LRRC47: variants seen among roughly 807,000 people sequenced by gnomAD.
The protein encoded by LRRC47 is leucine-rich repeat-containing protein 47.
In LRRC47, 31 loss-of-function variants were observed where a neutral mutation model predicts 40.9. The observed-to-expected ratio is 0.76, with a 90% confidence interval of 0.57 to 1.02. The LOEUF is 1.02. LRRC47 is among the 50% of genes least tolerant of loss of function. LRRC47 has a pLI of 0.00. For missense variants in LRRC47, 726 were observed against 796.1 expected, an observed-to-expected ratio of 0.91 and a Z score of 1.06; for synonymous variants, 427 against 371.9, an observed-to-expected ratio of 1.15 and a Z score of -1.70.
chr1:3,782,657 C>G lies in LRRC47; in HGVS notation c.1413+4G>C. 1 of 1,542,630 alleles carries G rather than the reference C, an allele frequency of 6.5e-7. No homozygotes were observed. The highest frequency in any genetic ancestry group is 9.0e-7 in the Non-Finnish European group (1 of 1,114,528). On this transcript the variant is annotated splice_donor_region_variant and intron_variant, in intron 5 of 6. Coordinates refer to ENST00000378251, the MANE Select transcript of LRRC47 (RefSeq NM_020710.3). ...ACACCATGTTCACACACATGCCACC[C>G]TACCTTTGTCTTCTCACTGTTGGTT...
chr1:3,783,958 C>T (rs532513715), intron 4 of LRRC47, 38 bp downstream of exon 4: 2 of 1,548,138 alleles, frequency 1.3e-6, no homozygotes, highest in Non-Finnish European at 1.7e-6. Context: ...GCGGCACTCC[C>T]CCGGGCCCGG....
In LRRC47 at chr1:3,787,025, C is replaced by G. The variant is rs138729139; in HGVS notation, c.901G>C (p.Val301Leu). ...REGGDGEEQD[V>L]GDAGRLLLRV... is the part of the protein sequence containing the mutation. ...AGCAGCAGCCGGCCGGCATCTCCCA[C>G]GTCCTGCTCCTCCCCATCACCACCT... Residue 301 changes from valine (V) to leucine (L), a missense_variant, in exon 2 of 7, where the codon GTG (valine) becomes CTG (leucine). Val to Leu is a conservative substitution (Grantham distance 32, BLOSUM62 1). Transcript: ENST00000378251. 1.9e-6 allele frequency: 3 copies of G among 1,611,782 alleles called. No individual in the cohort carries two copies. Among genetic ancestry groups the G allele is most frequent in the Non-Finnish European group, 2.5e-6 (3 of 1,179,056 alleles).
chr1:3,790,114 G>A (rs1643613393), intron 1 of LRRC47, among the ~76,000 whole-genome samples: 2 of 152,244 alleles, frequency 1.3e-5, no homozygotes, highest in South Asian at 2.1e-4. Context: ...CGGCAGCAAC[G>A]TGGGTCCTGA....
Position 3,785,076 on chromosome 1 carries a change from G to C in LRRC47, c.1194+11C>G. On this transcript the variant is annotated intron_variant, in intron 3 of 6. Coordinates refer to ENST00000378251, the MANE Select transcript of LRRC47 (RefSeq NM_020710.3). Reference sequence around the variant, plus strand: ...ACTCTTCAGCAGACCCTGCAAAGGAGGCTGCAGCACCTTGAGGTCCTGTGG... The same window carrying C: ...ACTCTTCAGCAGACCCTGCAAAGGACGCTGCAGCACCTTGAGGTCCTGTGG... 6.3e-7 allele frequency: 1 copy of C among 1,580,442 alleles called. No individual in the cohort carries two copies. The highest frequency in any genetic ancestry group is 8.6e-7 in the Non-Finnish European group (1 of 1,160,954).
Position 3,796,229 on chromosome 1 carries a change from C to T in LRRC47, c.248G>A (p.Arg83Gln). The change falls in exon 1 of 7, where the codon CGG (arginine) becomes CAG (glutamine). Residue 83 changes from arginine to glutamine, a missense_variant. Coordinates refer to ENST00000378251, the MANE Select transcript of LRRC47 (RefSeq NM_020710.3). ...GLPQLHSLVL[R>Q]RNALGPGLSP... ...CAGGCCGGGCCCCAGCGCGTTGCGC[C>T]GCAGCACGAGGCTGTGCAGCTGCGG... 1 of 1,428,976 alleles carries T rather than the reference C, an allele frequency of 7.0e-7. No individual in the cohort carries two copies. The highest frequency in any genetic ancestry group is 1.4e-5 in the South Asian group (1 of 70,934). 88.5% of individuals were successfully genotyped at this position (1,428,976 alleles called of 1,614,324 possible). A position where few individuals can be genotyped will look rare whatever the true frequency, so the allele number is the denominator to read the frequency against.
intron 1 of LRRC47, 71 bp downstream of exon 1, chr1:3,795,791 C>A: frequency 7.0e-7 from 1 of 1,436,920 alleles, no homozygotes; most frequent in Non-Finnish European, 9.1e-7. Flanking sequence ...ACTGCTCGGC[C>A]CCGAGAGGGG....
At chr1:3,794,327 T>C (rs532955317) in intron 1 of LRRC47, among the ~76,000 whole-genome samples, 13 of 152,272 alleles carry the variant, frequency 8.5e-5, no homozygotes, top group South Asian at 6.2e-4. Context: ...AATGAACCCA[T>C]TGGGCAGTTA....
intron 4 of LRRC47, chr1:3,783,023 A>G (rs1643536042): frequency 5.9e-6 from 3 of 508,932 alleles, no homozygotes; most frequent in Non-Finnish European, 1.1e-5. Context: ...AGAGCAGGAC[A>G]AAAAGCTCCG....
chr1:3,784,996 A>G, intron 3 of LRRC47, 91 bp downstream of exon 3: 1 of 972,018 alleles, frequency 1.0e-6, no homozygotes, highest in Non-Finnish European at 1.5e-6. Context: ...CCATCTCCAA[A>G]AAAAAAAAAA....
At chr1:3,794,964 G>A (rs532747645) in intron 1 of LRRC47, among the ~76,000 whole-genome samples, 2 of 145,196 alleles carry the variant, frequency 1.4e-5, no homozygotes, top group African/African-American at 2.6e-5. Context: ...TGAGGCAGAA[G>A]AACCGCTTGA....
chr1:3,787,297 G>A lies in LRRC47; in HGVS notation c.629C>T (p.Ser210Leu), dbSNP rs754687954. The stretch of plus-strand genomic sequence containing the variant: ...AGGGATCTCGCTCAGCTGGTTGTTC[G>A]AGAGGTCCAACGTCTGCAAAGAGAA... ...HLASLKTLDL[S>L]NNQLSEIPAE... The change falls in exon 2 of 7, where the codon TCG becomes TTG. Residue 210 changes from serine (S) to leucine (L), a missense_variant. By Grantham distance (145) the Ser-to-Leu change is moderately radical. Coordinates refer to ENST00000378251, the MANE Select transcript of LRRC47 (RefSeq NM_020710.3). The A allele has an allele frequency of 1.6e-5, 26 of 1,611,212 alleles. No individual in the cohort carries two copies. Among genetic ancestry groups the A allele is most frequent in the East Asian group, 4.5e-5 (2 of 44,896 alleles).
chr1:3,780,019 C>G lies in LRRC47; in HGVS notation c.*1069G>C, dbSNP rs1346328969. ...GGAGAACCCAACGCCCTTGCACATG[C>G]CAAGCTGCATCCTGGCATGATATGG... On this transcript the variant is annotated 3_prime_UTR_variant, in exon 7 of 7. Transcript: ENST00000378251. 2 of 152,294 alleles carry G rather than the reference C, an allele frequency of 1.3e-5. No homozygotes were observed. The highest frequency in any genetic ancestry group is 3.4e-3 in the Middle Eastern group (1 of 294). 9.4% of individuals were successfully genotyped at this position (152,294 alleles called of 1,614,324 possible).
rs1643502283 is a variant in LRRC47 at position 3,779,907 on chromosome 1, T to C, written c.*1181A>G. On this transcript the variant is annotated 3_prime_UTR_variant, in exon 7 of 7. Transcript: ENST00000378251. ...CCACATCTCCACCCCCACAAAGCAA[T>C]CCAACAGCAGTATGAAGAGACGCAA... 6.6e-6 allele frequency: 1 copy of C among 152,126 alleles called. No individual in the cohort carries two copies. The highest frequency in any genetic ancestry group is 2.1e-4 in the South Asian group (1 of 4,830). 9.4% of individuals were successfully genotyped at this position (152,126 alleles called of 1,614,324 possible). A position where few individuals can be genotyped will look rare whatever the true frequency, so the allele number is the denominator to read the frequency against.
intron 3 of LRRC47, among the ~76,000 whole-genome samples, chr1:3,784,613 C>T (rs1328754954): frequency 6.6e-6 from 1 of 152,252 alleles, no homozygotes; most frequent in Non-Finnish European, 1.5e-5. Context: ...CGAGTCCTCT[C>T]ACAGCTGTGC....
At chr1:3,784,928 G>C in intron 3 of LRRC47, 159 bp downstream of exon 3, 1 of 410,558 alleles carries the variant, frequency 2.4e-6, no homozygotes, top group Non-Finnish European at 4.4e-6. Flanking sequence ...CCAGGAGGCA[G>C]AGGCTGCAGT....
At position 3,796,090 on chromosome 1, in the gene LRRC47, C is replaced by A; in HGVS notation, c.387G>T (p.Pro129=). ...GLGPAEPPGL[P]QLQSLNLSGN... ...CGCTGAGGTTGAGGCTCTGCAGCTG[C>A]GGAAGGCCCGGCGGCTCGGCGGGGC... Residue 129 remains proline, a synonymous_variant, in exon 1 of 7, where the codon CCG becomes CCT. Coordinates refer to ENST00000378251, the MANE Select transcript of LRRC47 (RefSeq NM_020710.3). The A allele has an allele frequency of 1.3e-6, 2 of 1,484,560 alleles. No homozygotes were observed. Among genetic ancestry groups the A allele is most frequent in the Non-Finnish European group, 8.9e-7 (1 of 1,124,606 alleles). 92.0% of individuals were successfully genotyped at this position (1,484,560 alleles called of 1,614,324 possible).
chr1:3,788,570 G>C (rs1643598826), intron 1 of LRRC47, among the ~76,000 whole-genome samples: 1 of 152,160 alleles, frequency 6.6e-6, no homozygotes, highest in South Asian at 2.1e-4. Context: ...TGGATGGCAG[G>C]GGTGATGGAA....
At chr1:3,787,346 A>G (rs758385808) in intron 1 of LRRC47, 36 bp from the exon 2 acceptor site, 1 of 1,569,338 alleles carries the variant, frequency 6.4e-7, no homozygotes, top group Non-Finnish European at 8.6e-7. Flanking sequence ...AGACGCCCGG[A>G]CTCTGGGAAG....
At chr1:3,782,844 C>T in intron 4 of LRRC47, 81 bp from the exon 5 acceptor site, 1 of 896,236 alleles carries the variant, frequency 1.1e-6, no homozygotes, top group Non-Finnish European at 1.9e-6. Flanking sequence ...GCCTGTGGTC[C>T]CAGCACTCAG....
Sources: allele counts gnomAD v4.1 joint callset (sites outside exome capture counted in the v4.1 genomes callset), GRCh38; gene constraint gnomAD v4.1.1; transcripts MANE v1.5; gene names NCBI Gene and HGNC (gene_info 2026-07-23, HGNC 2026-07-21).